Variants in MYCBP2 observed in about 807,000 individuals in gnomAD.
MYCBP2 encodes the protein MYC binding protein 2.
A neutral mutation model predicts 525.3 loss-of-function variants in MYCBP2; 120 were observed. The ratio of observed to expected loss-of-function variants is 0.23; its 90% CI spans 0.20 to 0.27. The LOEUF is 0.27. Among genes scored for constraint, MYCBP2 ranks in the 10% least tolerant of loss-of-function variants. The pLI is 1.00. For synonymous variants in MYCBP2, 1,894 were observed against 1,955.8 expected (o/e 0.97, Z 0.83); for missense variants, 4,149 against 5,657.1 (o/e 0.73, Z 8.55).
rs2042506563 is a variant in MYCBP2 at position 77,077,451 on chromosome 13, C to T, written c.11485-64G>A. On this transcript the variant is annotated intron_variant, in intron 66 of 82. Transcript: ENST00000544440. ...GGATCACTTTTATCACTGTGCTGGA[C>T]TTAGCATTGATACCAGCAAGCTCAA... The T allele has an allele frequency of 3.8e-6, 6 of 1,577,326 alleles. No individual in the cohort carries two copies. In the Admixed American group the frequency reaches 7.0e-5, roughly 18 times the overall value.
At chr13:77,286,789 A>AATATATATATATATATATATATATAT (rs1197559343) in intron 3 of MYCBP2, among the ~76,000 whole-genome samples, 9 of 42,284 alleles carry the variant, frequency 2.1e-4, no homozygotes, top group African/African-American at 5.6e-4. Flanking sequence ...AAAAAAAAAA[A>AATATATATATATATATATATATATAT]ATATATATAT....
chr13:77,144,298 A>C, intron 49 of MYCBP2, 147 bp downstream of exon 49: 1 of 623,728 alleles, frequency 1.6e-6, no homozygotes, highest in East Asian at 2.7e-5. Context: ...TTAAATACTC[A>C]TTATGAAAGA....
intron 1 of MYCBP2, among the ~76,000 whole-genome samples, chr13:77,298,702 T>C (rs529792813): frequency 6.6e-6 from 1 of 152,326 alleles, no homozygotes; most frequent in Admixed American, 6.5e-5. Context: ...GGAGTTATCC[T>C]TGGGATTATT....
intron 1 of MYCBP2, among the ~76,000 whole-genome samples, chr13:77,320,965 G>A (rs773372164): frequency 6.6e-6 from 1 of 152,188 alleles, no homozygotes; most frequent in African/African-American, 2.4e-5. Flanking sequence ...TCAGTAACCA[G>A]GGGTAGGAGG....
chr13:77,186,802 ATTTTTTTT>A (rs5804893), intron 30 of MYCBP2, among the ~76,000 whole-genome samples: 1 of 120,466 alleles, frequency 8.3e-6, no homozygotes, highest in Non-Finnish European at 1.7e-5. Context: ...TATAGATTCA[ATTTTTTTT>A]TTTTTTTTTT....
chr13:77,263,644 A>G lies in MYCBP2; in HGVS notation c.1570+7T>C, dbSNP rs746746636. 8.7e-6 allele frequency: 14 copies of G among 1,606,608 alleles called. No individual in the cohort carries two copies. In the East Asian group the frequency reaches 1.3e-4, roughly 15 times the overall value. On this transcript the variant is annotated splice_region_variant and intron_variant, in intron 10 of 82. Transcript: ENST00000544440. ...ATATAGGGAAAACACTTAATTTGCT[A>G]TCTTACTTATAATATGCAAGTCCTT... is the stretch of plus-strand genomic sequence containing the variant.
At chr13:77,274,661 A>G (rs553509675) in intron 4 of MYCBP2, among the ~76,000 whole-genome samples, 1 of 152,218 alleles carries the variant, frequency 6.6e-6, no homozygotes, top group South Asian at 2.1e-4. Context: ...TTTACTTCCT[A>G]ATGGATAACT....
intron 46 of MYCBP2, among the ~76,000 whole-genome samples, chr13:77,154,579 A>C (rs1386186105): frequency 6.6e-6 from 1 of 152,164 alleles, no homozygotes; most frequent in Non-Finnish European, 1.5e-5. Context: ...ATACAACTAA[A>C]GAAATATCAG....
intron 60 of MYCBP2, 35 bp downstream of exon 60, chr13:77,090,071 G>A: frequency 6.4e-7 from 1 of 1,557,212 alleles, no homozygotes; most frequent in Non-Finnish European, 8.7e-7. Context: ...GTAGTAGTCA[G>A]ATCACTCAAT....
intron 26 of MYCBP2, among the ~76,000 whole-genome samples, chr13:77,198,336 A>C (rs2061990071): frequency 6.6e-6 from 1 of 152,242 alleles, no homozygotes; most frequent in Non-Finnish European, 1.5e-5. Flanking sequence ...TATAACCAGA[A>C]ATAAGCAAAT....
Position 77,045,317 on chromosome 13 carries a change from A to G in MYCBP2, c.*61T>C. 8.7e-7 allele frequency: 1 copy of G among 1,155,654 alleles called. No homozygotes were observed. Among genetic ancestry groups the G allele is most frequent in the Non-Finnish European group, 1.3e-6 (1 of 772,636 alleles). The allele number at this position is 1,155,654 out of a possible 1,614,324, so 71.6% of individuals were successfully genotyped here. A position where few individuals can be genotyped will look rare whatever the true frequency, so the allele number is the denominator to read the frequency against. On this transcript the variant is annotated 3_prime_UTR_variant, in exon 83 of 83. Transcript: ENST00000544440. Reference sequence around the variant, plus strand: ...TTATCCTGAGCAGAGTTTAAACTTCACCGCATCCTCTTGGGGGATGAAGGC... The same window carrying G: ...TTATCCTGAGCAGAGTTTAAACTTCGCCGCATCCTCTTGGGGGATGAAGGC...
intron 4 of MYCBP2, 142 bp downstream of exon 4, chr13:77,278,616 T>C (rs894713405): frequency 1.7e-6 from 1 of 605,396 alleles, no homozygotes; most frequent in South Asian, 8.1e-5. Flanking sequence ...GTGGACTAAT[T>C]AACATCTATC....
chr13:77,210,274 A>G (rs1368841746), intron 23 of MYCBP2, among the ~76,000 whole-genome samples: 5 of 150,904 alleles, frequency 3.3e-5, no homozygotes, highest in Non-Finnish European at 5.9e-5. Flanking sequence ...CTCACTGCAA[A>G]TTCCGCCTCC....
At chr13:77,211,343 A>G in intron 22 of MYCBP2, 23 bp from the exon 23 acceptor site, 2 of 1,168,736 alleles carry the variant, frequency 1.7e-6, no homozygotes, top group Non-Finnish European at 2.2e-6. Context: ...ATATTTATAT[A>G]TAATTTTAAT....
chr13:77,294,123 T>TATATAA lies in MYCBP2; in HGVS notation c.378+2475_378+2476insTTATAT, dbSNP rs1567182411. Among the ~76,000 whole-genome samples the TATATAA allele has an allele frequency of 1.2e-4, 8 of 66,320 alleles. 1 individual carries two copies. The highest frequency in any genetic ancestry group is 2.3e-4 in the Admixed American group (1 of 4,286). The allele number at this position is 66,320 out of a possible 152,430, so 43.5% of individuals were successfully genotyped here. A position where few individuals can be genotyped will look rare whatever the true frequency, so the allele number is the denominator to read the frequency against. ...TAATGGCTATATATATATATATATA[T>TATATAA]ATATATACATATATATATACATATA... is the stretch of plus-strand genomic sequence containing the variant. On this transcript the variant is annotated intron_variant, in intron 2 of 82. Coordinates refer to ENST00000544440, the MANE Select transcript of MYCBP2 (RefSeq NM_015057.5).
At position 77,097,911 on chromosome 13, in the gene MYCBP2, T is replaced by C; in HGVS notation, c.9243A>G (p.Lys3081=). The C allele has an allele frequency of 1.2e-6, 2 of 1,612,642 alleles. No individual in the cohort carries two copies. Among genetic ancestry groups the C allele is most frequent in the East Asian group, 2.2e-5 (1 of 44,858 alleles). Residue 3081 remains lysine, a synonymous_variant, in exon 56 of 83, where the codon AAA becomes AAG. Transcript: ENST00000544440. ...AATGTCTATTTTTTAACTTGGTTTC[T>C]TTTTCCTCTGTAGGTTGTTGGCTAT... ...SLNSQQPTEE[K]ETKLKNRHSL...
rs150885628 is a variant in MYCBP2, at chr13:77,257,703, C to T, written c.2144G>A (p.Arg715Gln). The T allele has an allele frequency of 1.2e-6, 2 of 1,608,060 alleles. No individual in the cohort carries two copies. Among genetic ancestry groups the T allele is most frequent in the African/African-American group, 2.7e-5 (2 of 74,602 alleles). The change falls in exon 14 of 83, where the codon CGA becomes CAA. Residue 715 changes from arginine (R) to glutamine (Q), a missense_variant. Coordinates refer to ENST00000544440, the MANE Select transcript of MYCBP2 (RefSeq NM_015057.5). Reference sequence around the variant, plus strand: ...ACCTTGGTTCATGGCACCAGTATCTCGTCCACACTGTCCTTTATTATTTAC... The same window carrying T: ...ACCTTGGTTCATGGCACCAGTATCTTGTCCACACTGTCCTTTATTATTTAC... ...FGVNNKGQCG[R>Q]DTGAMNQGGK...
In MYCBP2 at chr13:77,285,874, G is replaced by C. The variant is rs572969857; in HGVS notation, c.594+2287C>G. Among the ~76,000 whole-genome samples, 5 of 149,220 alleles carry C rather than the reference G, an allele frequency of 3.4e-5. No individual in the cohort carries two copies. In the East Asian group the frequency reaches 9.8e-4, roughly 29 times the overall value. The stretch of plus-strand genomic sequence containing the variant: ...GAAAGGAAGGGAAAGGAAAGGAAAG[G>C]AAAGGAAAGGAAAGGAAAGGAAAGC... On this transcript the variant is annotated intron_variant, in intron 3 of 82. Transcript: ENST00000544440.
chr13:77,056,117 T>G (rs1220448858), intron 79 of MYCBP2, among the ~76,000 whole-genome samples: 12 of 142,284 alleles, frequency 8.4e-5, no homozygotes, highest in African/African-American at 3.0e-4. Flanking sequence ...TGTGTGTGTG[T>G]GTGTGTGTGT....
Sources: allele counts gnomAD v4.1 joint callset (sites outside exome capture counted in the v4.1 genomes callset), GRCh38; gene constraint gnomAD v4.1.1; transcripts MANE v1.5; gene names NCBI Gene and HGNC (gene_info 2026-07-23, HGNC 2026-07-21).